LNX1: variants seen among roughly 807,000 people sequenced by gnomAD.
LNX1 encodes the protein ligand of numb-protein X 1, also known as E3 ubiquitin-protein ligase LNX.
LNX1 carries 54 observed loss-of-function variants against 68.4 expected under a neutral mutation model. The ratio of observed to expected loss-of-function variants is 0.79; its 90% CI spans 0.63 to 0.99. The LOEUF is 0.99. Ranked by LOEUF, LNX1 falls within the 50% of genes least tolerant of loss-of-function variation. LNX1 has a pLI of 0.00. For synonymous variants in LNX1, 336 were observed against 350.0 expected, an observed-to-expected ratio of 0.96 and a Z score of 0.45; for missense variants, 906 against 926.4, an observed-to-expected ratio of 0.98 and a Z score of 0.29.
intron 1 of LNX1, 29 bp from the exon 2 acceptor site, chr4:53,574,117 G>T: frequency 7.0e-7 from 1 of 1,423,372 alleles, no homozygotes; most frequent in Middle Eastern, 2.5e-4. Context: ...GCTCACCTTT[G>T]CTTCCCAGCA....
chr4:53,599,206 C>T (rs55732414), intron 2 of LNX1, among the ~76,000 whole-genome samples: 10,961 of 152,184 alleles, frequency 0.072, 455 homozygotes, highest in Middle Eastern at 0.11. Flanking sequence ...TTCTAAGTCA[C>T]AGGATGAGAT....
At chr4:53,636,330 A>G (rs1188962713) in intron 1 of LNX1, among the ~76,000 whole-genome samples, 6 of 152,058 alleles carry the variant, frequency 3.9e-5, no homozygotes, top group Admixed American at 2.6e-4. Flanking sequence ...TCACTGTGGT[A>G]AGAAGAACAC....
chr4:53,618,392 A>G (rs1425791335), upstream of LNX1, among the ~76,000 whole-genome samples: 1 of 152,232 alleles, frequency 6.6e-6, no homozygotes, highest in East Asian at 1.9e-4. Context: ...ACTTTCTAAA[A>G]TAATAATGGC....
intron 2 of LNX1, among the ~76,000 whole-genome samples, chr4:53,522,491 T>A (rs1727297419): frequency 6.6e-6 from 1 of 152,236 alleles, no homozygotes; most frequent in Non-Finnish European, 1.5e-5. Flanking sequence ...ACTTGCTTAG[T>A]GCTGGGACCT....
chr4:53,636,932 C>A (rs2668526), intron 1 of LNX1, among the ~76,000 whole-genome samples: 26,906 of 150,948 alleles, frequency 0.18, 2,866 homozygotes, highest in Admixed American at 0.28. Context: ...TGTATGCAGA[C>A]CGCAGGTTCC....
chr4:53,586,771 CT>C (rs1432742724), intron 1 of LNX1, among the ~76,000 whole-genome samples: 4 of 152,176 alleles, frequency 2.6e-5, no homozygotes, highest in African/African-American at 4.8e-5. Context: ...GGTGGATCAT[CT>C]TGTCTACCTT....
rs758302674 is a variant in LNX1, at chr4:53,507,469, G to A, written c.623C>T (p.Ala208Val). The change falls in exon 4 of 11, where the codon GCA becomes GTA. Residue 208 changes from alanine to valine, a missense_variant and splice_region_variant. By Grantham distance (64) the Ala-to-Val change is moderately conservative. Transcript: ENST00000263925. ...VDSGRSNRTRARPFERSTIRS... is the reference protein window; with the variant it reads ...VDSGRSNRTRVRPFERSTIRS... ...AATAGTGGATCTCTCAAAGGGCCGTGCTGAGGAATAGCGACAGGAGGAACA... is the reference window on the plus strand; with the variant it reads ...AATAGTGGATCTCTCAAAGGGCCGTACTGAGGAATAGCGACAGGAGGAACA... The A allele has an allele frequency of 1.9e-6, 3 of 1,613,870 alleles. No individual in the cohort carries two copies. The highest frequency in any genetic ancestry group is 1.1e-5 in the South Asian group (1 of 91,064).
At chr4:53,471,202 C>G (rs1012676170) in intron 9 of LNX1, among the ~76,000 whole-genome samples, 2 of 151,814 alleles carry the variant, frequency 1.3e-5, no homozygotes, top group Non-Finnish European at 2.9e-5. Flanking sequence ...CTACAACCAT[C>G]TGATCTTTGA....
chr4:53,464,352 A>G (rs938128638), intron 9 of LNX1, among the ~76,000 whole-genome samples: 12 of 152,052 alleles, frequency 7.9e-5, no homozygotes, highest in African/African-American at 1.7e-4. Context: ...ACCACCTTTC[A>G]TTTTGTTTTC....
At chr4:53,590,075 A>AC (rs573311184) in intron 1 of LNX1, among the ~76,000 whole-genome samples, 150 of 150,380 alleles carry the variant, frequency 1.0e-3, no homozygotes, top group South Asian at 5.3e-3. Flanking sequence ...TGGTGGCCAA[A>AC]CCCCCCCCCT....
At chr4:53,626,054 C>T (rs1734064008) in intron 1 of LNX1, among the ~76,000 whole-genome samples, 1 of 151,892 alleles carries the variant, frequency 6.6e-6, no homozygotes, top group Non-Finnish European at 1.5e-5. Flanking sequence ...TGTTATTCAC[C>T]AATAAAAAGG....
intron 2 of LNX1, among the ~76,000 whole-genome samples, chr4:53,550,698 G>A (rs939913051): frequency 4.6e-5 from 7 of 152,166 alleles, no homozygotes; most frequent in African/African-American, 1.7e-4. Context: ...ACCTTCCTGT[G>A]TGGATCTCCA....
At chr4:53,644,439 C>T (rs1734805841) in intron 1 of LNX1, among the ~76,000 whole-genome samples, 1 of 151,926 alleles carries the variant, frequency 6.6e-6, no homozygotes, top group African/African-American at 2.4e-5. Context: ...ACAAACAAAA[C>T]CCCAAAACAA....
intron 2 of LNX1, among the ~76,000 whole-genome samples, chr4:53,528,894 CTCAA>C (rs1438092436): frequency 6.6e-6 from 1 of 152,044 alleles, no homozygotes; most frequent in Non-Finnish European, 1.5e-5. Flanking sequence ...CAAACATCAG[CTCAA>C]TCAGAGTTGA....
rs1723600633 is a variant in LNX1 at position 53,476,901 on chromosome 4, ATGT to A, written c.1741_1743del (p.Thr581del). 6.2e-7 allele frequency: 1 copy of A among 1,614,130 alleles called. No individual in the cohort carries two copies. Among genetic ancestry groups the A allele is most frequent in the South Asian group, 1.1e-5 (1 of 91,074 alleles). On this transcript the variant is annotated inframe_deletion, in exon 9 of 11. Transcript: ENST00000263925. ...AAAGCTTTGAGTACTATCGAGGATGATGTTCTTTTCAATAATGCCACTGCCTCA... is the reference window on the plus strand; with the variant it reads ...AAAGCTTTGAGTACTATCGAGGATGATCTTTTCAATAATGCCACTGCCTCA...
At chr4:53,509,141 GA>G (rs1726140414) in intron 2 of LNX1, among the ~76,000 whole-genome samples, 1 of 152,194 alleles carries the variant, frequency 6.6e-6, no homozygotes. Flanking sequence ...TTTTGGTCAG[GA>G]AATGGTGATT....
At chr4:53,623,148 T>C (rs1469718650) in intron 1 of LNX1, among the ~76,000 whole-genome samples, 2 of 151,660 alleles carry the variant, frequency 1.3e-5, no homozygotes, top group African/African-American at 4.8e-5. Flanking sequence ...GGACTATATG[T>C]GGGCTAACAT....
At chr4:53,607,850 AAAAC>A (rs1733295264) in intron 2 of LNX1, among the ~76,000 whole-genome samples, 1 of 152,192 alleles carries the variant, frequency 6.6e-6, no homozygotes, top group East Asian at 1.9e-4. Flanking sequence ...AAAGTCAACA[AAAAC>A]AAGCAATGGG....
At chr4:53,501,724 G>GTA (rs1560630826) in intron 4 of LNX1, 1 of 152,228 alleles carries the variant, frequency 6.6e-6, no homozygotes, top group East Asian at 1.9e-4. Context: ...GAAGCTAACT[G>GTA]TAGGTTGCTG....
Sources: gnomAD v4.1 joint callset for allele counts (sites outside exome capture counted in the v4.1 genomes callset) on GRCh38, gnomAD v4.1.1 for gene constraint, MANE v1.5 for transcripts, NCBI Gene and HGNC (gene_info 2026-07-23, HGNC 2026-07-21) for gene names.